Variants in HTR1D observed in about 807,000 individuals in gnomAD.
HTR1D encodes 5-HT-1D.
A neutral mutation model predicts 21.1 loss-of-function variants in HTR1D; 18 were observed. The ratio of observed to expected loss-of-function variants is 0.85; its 90% confidence interval spans 0.59 to 1.27. The LOEUF is 1.27. Among genes scored for constraint, HTR1D ranks in the 50% most tolerant of loss-of-function variants. The probability of loss-of-function intolerance (pLI) is 0.00; values close to 1 mark genes in which losing one functional copy is unlikely to be tolerated. For missense variants in HTR1D, 456 were observed against 481.4 expected (o/e 0.95, Z 0.49); for synonymous variants, 196 against 204.4 (o/e 0.96, Z 0.35).
intron 1 of HTR1D, among the ~76,000 whole-genome samples, chr1:23,202,226 A>G (rs35768640): frequency 0.14 from 20,921 of 151,790 alleles, 1,786 homozygotes; most frequent in South Asian, 0.32. Context: ...CCTCCTGTGT[A>G]GCTGAGATTA....
At position 23,194,010 on chromosome 1, in the gene HTR1D, G is replaced by A. The variant is rs767259940; in HGVS notation, c.210C>T (p.His70=). Residue 70 remains histidine, a synonymous_variant, in exon 2 of 2, where the codon CAC becomes CAT. Transcript: ENST00000374619. ...AGCCAATCAGGTAGTTGGCAGGGGT[G>A]TGGAGCTTCCTGGTGAGTAAGATGG... The part of the protein sequence containing the change: ...LTTILLTRKL[H]TPANYLIGSL... 3.7e-6 allele frequency: 6 copies of A among 1,614,190 alleles called. No homozygotes were observed. In the Admixed American group the frequency reaches 1.0e-4, roughly 27 times the overall value.
intron 1 of HTR1D, among the ~76,000 whole-genome samples, chr1:23,199,415 CTTTTTTTTTTTTTTTTTTTTTTTT>C (rs71020483): frequency 2.2e-5 from 1 of 46,296 alleles, no homozygotes; most frequent in Non-Finnish European, 3.8e-5. Context: ...CATGTGTGGT[CTTTTTTTTTTTTTTTTTTTTTTTT>C]TTTTTTTTTT....
intron 1 of HTR1D, among the ~76,000 whole-genome samples, chr1:23,204,755 C>A (rs955951399): frequency 1.3e-5 from 2 of 152,184 alleles, no homozygotes; most frequent in Admixed American, 6.5e-5. Context: ...CTGGGCTATG[C>A]GCACTGGTCC....
At chr1:23,206,247 GT>G (rs1303664868) in intron 1 of HTR1D, among the ~76,000 whole-genome samples, 2 of 151,678 alleles carry the variant, frequency 1.3e-5, no homozygotes, top group Non-Finnish European at 1.5e-5. Context: ...TTTCACCGTG[GT>G]TTCGATCTCC....
At position 23,194,286 on chromosome 1, in the gene HTR1D, A is replaced by C. The variant is rs2148237672; in HGVS notation, c.-67T>G. Reference sequence around the variant, plus strand: ...CTCCTTCCTTCAAGGTTGTCCTGACAACAGAGCAAAGTCATCCTTCTGCTT... The same window carrying C: ...CTCCTTCCTTCAAGGTTGTCCTGACCACAGAGCAAAGTCATCCTTCTGCTT... On this transcript the variant is annotated 5_prime_UTR_variant, in exon 2 of 2. Coordinates refer to ENST00000374619, the MANE Select transcript of HTR1D (RefSeq NM_000864.5). The C allele has an allele frequency of 6.9e-7, 1 of 1,447,526 alleles. No homozygotes were observed. The highest frequency in any genetic ancestry group is 1.3e-5 in the South Asian group (1 of 76,350). The allele number at this position is 1,447,526 out of a possible 1,614,324, so 89.7% of individuals were successfully genotyped here.
intron 1 of HTR1D, among the ~76,000 whole-genome samples, chr1:23,197,471 C>A (rs1644693151): frequency 6.6e-6 from 1 of 152,158 alleles, no homozygotes; most frequent in South Asian, 2.1e-4. Flanking sequence ...TGGCTCACAC[C>A]TGTAATCCCA....
At position 23,192,896 on chromosome 1, in the gene HTR1D, C is replaced by A. The variant is rs1644664499; in HGVS notation, c.*190G>T. On this transcript the variant is annotated 3_prime_UTR_variant, in exon 2 of 2. Coordinates refer to ENST00000374619, the MANE Select transcript of HTR1D (RefSeq NM_000864.5). ...GTAGTGAAATCTTCAGTCCTGCCCC[C>A]CGCCCCCCACCACCCACAGCTCTTT... The A allele has an allele frequency of 1.2e-5, 4 of 341,732 alleles. 1 individual carries two copies. Among genetic ancestry groups the A allele is most frequent in the South Asian group, 1.4e-4 (2 of 14,582 alleles). The allele number at this position is 341,732 out of a possible 1,614,324, so 21.2% of individuals were successfully genotyped here. A position where few individuals can be genotyped will look rare whatever the true frequency, so the allele number is the denominator to read the frequency against.
Position 23,193,095 on chromosome 1 carries a change from C to A in HTR1D, c.1125G>T (p.Lys375Asn). ...TCATCACCGAATAAGACTAGGAGGCCTTCCGGAAAGGGACAATTTTCTGAA... is the reference window on the plus strand; with the variant it reads ...TCATCACCGAATAAGACTAGGAGGCATTCCGGAAAGGGACAATTTTCTGAA... ...QAFQKIVPFR[K>N]AS Residue 375 changes from lysine (K) to asparagine (N), a missense_variant, in exon 2 of 2, where the codon AAG becomes AAT. By Grantham distance (94) the Lys-to-Asn change is moderately conservative. Coordinates refer to ENST00000374619, the MANE Select transcript of HTR1D (RefSeq NM_000864.5). The A allele has an allele frequency of 6.2e-7, 1 of 1,606,440 alleles. No individual in the cohort carries two copies. Among genetic ancestry groups the A allele is most frequent in the Non-Finnish European group, 8.5e-7 (1 of 1,175,836 alleles).
intron 1 of HTR1D, among the ~76,000 whole-genome samples, chr1:23,206,467 T>C (rs1432430910): frequency 1.3e-5 from 2 of 152,126 alleles, no homozygotes; most frequent in Admixed American, 6.5e-5. Flanking sequence ...TTTCCTTCCA[T>C]CTCCAGCCCC....
rs778421199 is a variant in HTR1D, at chr1:23,194,201, A to G, written c.19T>C (p.Ser7Pro). The change falls in exon 2 of 2, where the codon TCA becomes CCA. Residue 7 changes from serine to proline, a missense_variant. Physicochemically the swap from Ser to Pro is moderately conservative, Grantham distance 74. Coordinates refer to ENST00000374619, the MANE Select transcript of HTR1D (RefSeq NM_000864.5). The part of the protein sequence containing the change: MSPLNQ[S>P]AEGLPQEASN... The stretch of plus-strand genomic sequence containing the variant: ...GCCTCCTGGGGAAGGCCTTCTGCTG[A>G]CTGGTTCAGTGGGGACATGCTAGGT... 1 of 1,613,564 alleles carries G rather than the reference A, an allele frequency of 6.2e-7. No individual in the cohort carries two copies. Among genetic ancestry groups the G allele is most frequent in the Admixed American group, 1.7e-5 (1 of 59,940 alleles).
chr1:23,203,041 A>G (rs2148240892), intron 1 of HTR1D, among the ~76,000 whole-genome samples: 1 of 152,050 alleles, frequency 6.6e-6, no homozygotes, highest in South Asian at 2.1e-4. Context: ...CAGCCTCCGG[A>G]GTAGCCGGCC....
chr1:23,212,748 T>C (rs1431718662), intron 1 of HTR1D, among the ~76,000 whole-genome samples: 1 of 152,122 alleles, frequency 6.6e-6, no homozygotes, highest in Non-Finnish European at 1.5e-5. Context: ...CAAATATCCT[T>C]TGGTCATCCC....
intron 1 of HTR1D, among the ~76,000 whole-genome samples, chr1:23,205,168 C>T (rs1251193367): frequency 6.6e-6 from 1 of 150,566 alleles, no homozygotes; most frequent in African/African-American, 2.5e-5. Flanking sequence ...TGTATGTTCT[C>T]ACTGATATGT....
intron 1 of HTR1D, among the ~76,000 whole-genome samples, chr1:23,200,749 GCAA>G (rs1644706364): frequency 6.6e-6 from 1 of 152,076 alleles, no homozygotes; most frequent in African/African-American, 2.4e-5. Context: ...AGGTCTCCAG[GCAA>G]CAACATCACT....
intron 1 of HTR1D, among the ~76,000 whole-genome samples, chr1:23,196,014 T>C (rs1430191153): frequency 1.3e-5 from 2 of 152,000 alleles, no homozygotes; most frequent in Non-Finnish European, 2.9e-5. Context: ...ATTTGTTTGT[T>C]TGTTTTCACA....
At chr1:23,205,037 A>T (rs1011887011) in intron 1 of HTR1D, among the ~76,000 whole-genome samples, 1 of 152,268 alleles carries the variant, frequency 6.6e-6, no homozygotes, top group African/African-American at 2.4e-5. Flanking sequence ...ACTGTGATTT[A>T]TATGATGGAA....
chr1:23,205,621 G>T (rs947248547), intron 1 of HTR1D, among the ~76,000 whole-genome samples: 19 of 152,280 alleles, frequency 1.2e-4, no homozygotes, highest in African/African-American at 4.3e-4. Context: ...TTAGCTCATT[G>T]CAACTTCCGC....
In HTR1D at chr1:23,210,580, A is replaced by G. The variant is rs538235544; in HGVS notation, c.-783+6711T>C. On this transcript the variant is annotated intron_variant, in intron 1 of 1. Transcript: ENST00000374619. ...GGGCAAGACACTTGCTCAAGGTAAC[A>G]CAGTGTGTTACAGGCTGAGACCAAG... 3.9e-5 allele frequency among the ~76,000 whole-genome samples: 6 copies of G among 152,194 alleles called. No individual in the cohort carries two copies. In the East Asian group the frequency reaches 1.2e-3, roughly 29 times the overall value.
Position 23,193,850 on chromosome 1 carries a change from C to T in HTR1D, c.370G>A (p.Ala124Thr). 1 of 1,614,212 alleles carries T rather than the reference C, an allele frequency of 6.2e-7. No individual in the cohort carries two copies. Among genetic ancestry groups the T allele is most frequent in the Non-Finnish European group, 8.5e-7 (1 of 1,180,046 alleles). The change falls in exon 2 of 2, where the codon GCC (alanine) becomes ACC (threonine). Residue 124 changes from alanine to threonine, a missense_variant. Transcript: ENST00000374619. ...WLSSDITCCT[A>T]SILHLCVIAL... ...ATGACACAGAGATGCAGGATGGAGG[C>T]TGTGCAGCACGTGATGTCAGAGGAC...
Sources: allele counts gnomAD v4.1 joint callset (sites outside exome capture counted in the v4.1 genomes callset), GRCh38; gene constraint gnomAD v4.1.1; transcripts MANE v1.5; gene names NCBI Gene and HGNC (gene_info 2026-07-23, HGNC 2026-07-21).